PHF24: variants seen among roughly 807,000 people sequenced by gnomAD.
PHF24 encodes PHD finger protein 24.
In PHF24, 25 loss-of-function variants were observed where a neutral mutation model predicts 42.6. That is an observed-to-expected ratio of 0.59 (90% CI 0.43 to 0.82). PHF24 has a LOEUF of 0.82. PHF24 is among the 40% of genes least tolerant of loss of function. The pLI, the probability that PHF24 is intolerant of heterozygous loss-of-function variation, is 0.00. For missense variants in PHF24, 470 were observed against 538.1 expected (o/e 0.87, Z 1.25); for synonymous variants, 185 against 204.8 (o/e 0.90, Z 0.83).
the PHF24 span, among the ~76,000 whole-genome samples, chr9:34,707,873 A>C: frequency 4.6e-5 from 7 of 152,024 alleles, no homozygotes; most frequent in Non-Finnish European, 7.4e-5. Flanking sequence ...CTGGGATTAC[A>C]GGCGCCCGCC....
chr9:34,723,070 G>A, the PHF24 span: 3 of 787,860 alleles, frequency 3.8e-6, no homozygotes, highest in Non-Finnish European at 5.9e-6. Flanking sequence ...GAAATATAGA[G>A]TGTATTTCTA....
At chr9:34,868,422 T>C in the PHF24 span, among the ~76,000 whole-genome samples, 1 of 152,182 alleles carries the variant, frequency 6.6e-6, no homozygotes, top group African/African-American at 2.4e-5. Context: ...TGGGGCTTCA[T>C]TTTCTTCCTA....
At chr9:34,927,544 G>A in the PHF24 span, among the ~76,000 whole-genome samples, 5 of 152,162 alleles carry the variant, frequency 3.3e-5, no homozygotes, top group East Asian at 1.9e-4. Flanking sequence ...TGGGAAGACC[G>A]TAGGATTCTT....
At chr9:34,879,946 G>A in the PHF24 span, among the ~76,000 whole-genome samples, 6 of 152,226 alleles carry the variant, frequency 3.9e-5, no homozygotes, top group African/African-American at 1.4e-4. Context: ...AGGGTAGCCA[G>A]AGAGAAAGGT....
chr9:34,767,420 C>T, the PHF24 span, among the ~76,000 whole-genome samples: 1 of 152,246 alleles, frequency 6.6e-6, no homozygotes, highest in African/African-American at 2.4e-5. Flanking sequence ...GGACGCCCCT[C>T]CCCCAGCCTC....
At chr9:34,706,322 A>G in the PHF24 span, among the ~76,000 whole-genome samples, 4 of 152,306 alleles carry the variant, frequency 2.6e-5, no homozygotes, top group Admixed American at 1.3e-4. Flanking sequence ...TTCACTTTTT[A>G]TAGTAGGAAG....
the PHF24 span, among the ~76,000 whole-genome samples, chr9:34,826,630 C>A: frequency 6.6e-6 from 1 of 152,208 alleles, no homozygotes; most frequent in East Asian, 1.9e-4. Flanking sequence ...GTGGAGAAGC[C>A]ACCCTCCTCC....
chr9:34,697,167 G>T, the PHF24 span, among the ~76,000 whole-genome samples: 4 of 152,204 alleles, frequency 2.6e-5, no homozygotes. Flanking sequence ...AGTGGCCTGT[G>T]ATCAGTGAGG....
At chr9:34,709,739 C>A in the PHF24 span, 1 of 1,613,766 alleles carries the variant, frequency 6.2e-7, no homozygotes, top group Non-Finnish European at 8.5e-7. Context: ...CTCCCCACCC[C>A]GTCACCAGCC....
the PHF24 span, among the ~76,000 whole-genome samples, chr9:34,929,510 G>T: frequency 6.6e-6 from 1 of 152,128 alleles, no homozygotes; most frequent in African/African-American, 2.4e-5. Context: ...ATAAATATTT[G>T]TGGGGAAAAA....
chr9:34,697,330 T>G, the PHF24 span, among the ~76,000 whole-genome samples: 1 of 152,228 alleles, frequency 6.6e-6, no homozygotes, highest in Non-Finnish European at 1.5e-5. Flanking sequence ...TCACAAATTT[T>G]TTTTTTTGAG....
the PHF24 span, chr9:34,922,701 T>G: frequency 6.6e-7 from 1 of 1,507,482 alleles, no homozygotes; most frequent in East Asian, 2.3e-5. Context: ...TGCTGTTTTT[T>G]TCTCAGCACC....
the PHF24 span, among the ~76,000 whole-genome samples, chr9:34,779,880 C>T: frequency 6.6e-6 from 1 of 152,312 alleles, no homozygotes; most frequent in South Asian, 2.1e-4. Context: ...CGCCTGCCAA[C>T]ACGCCCCGCT....
rs749328387 is a variant in PHF24 at position 34,976,806 on chromosome 9, G to A, written c.849+66G>A. On this transcript the variant is annotated intron_variant, in intron 5 of 7. Coordinates refer to ENST00000242315, the Ensembl canonical transcript of PHF24. ...GACAAGGGCCTGGGAGGCACGCTGGGCAGATTGGGGGAGCACTGGGTCCTG... is the reference window on the plus strand; with the variant it reads ...GACAAGGGCCTGGGAGGCACGCTGGACAGATTGGGGGAGCACTGGGTCCTG... 495 of 1,411,380 alleles carry A rather than the reference G, an allele frequency of 3.5e-4. 2 individuals carry two copies. The highest frequency in any genetic ancestry group is 1.4e-4 in the South Asian group (12 of 82,918). The allele number at this position is 1,411,380 out of a possible 1,614,324, so 87.4% of individuals were successfully genotyped here.
chr9:34,749,212 C>T, the PHF24 span, among the ~76,000 whole-genome samples: 5 of 151,904 alleles, frequency 3.3e-5, no homozygotes, highest in Admixed American at 3.3e-4. Flanking sequence ...CCTACAAGAT[C>T]TAGAAAATAC....
the PHF24 span, among the ~76,000 whole-genome samples, chr9:34,714,386 C>A: frequency 6.6e-6 from 1 of 152,142 alleles, no homozygotes; most frequent in East Asian, 1.9e-4. Context: ...GATAGAATAG[C>A]ATGGGCTTGG....
At chr9:34,750,534 AT>A in the PHF24 span, among the ~76,000 whole-genome samples, 2 of 144,974 alleles carry the variant, frequency 1.4e-5, no homozygotes, top group African/African-American at 5.1e-5. Context: ...AAATAAATAA[AT>A]AAATAAAGTG....
chr9:34,726,213 T>C, the PHF24 span: 8 of 1,378,082 alleles, frequency 5.8e-6, no homozygotes, highest in African/African-American at 9.9e-5. Flanking sequence ...TGAGGAGTAT[T>C]CTTCAGGTTG....
chr9:34,972,857 C>T (rs6476473), intron 3 of PHF24, among the ~76,000 whole-genome samples: 121,424 of 149,604 alleles, frequency 0.81, 49,447 homozygotes, highest in Non-Finnish European at 0.84. Context: ...GAGGTTGCAG[C>T]GAGCCGAAAT....
Sources: allele counts gnomAD v4.1 joint callset (sites outside exome capture counted in the v4.1 genomes callset), GRCh38; gene constraint gnomAD v4.1.1; transcripts MANE v1.5; gene names NCBI Gene and HGNC (gene_info 2026-07-23, HGNC 2026-07-21).